The following LHFPL2 variants were observed in gnomAD, a reference collection of about 807,000 sequenced individuals.
LHFPL2 encodes LHFPL tetraspan subfamily member 2, also known as LHFPL tetraspan subfamily member 2 protein.
A neutral mutation model predicts 17.5 loss-of-function variants in LHFPL2; 7 were observed. The observed-to-expected ratio is 0.40, with a 90% CI of 0.23 to 0.75. The LOEUF is 0.75. Ranked by LOEUF, LHFPL2 falls within the 30% of genes least tolerant of loss-of-function variation. The pLI, the probability that LHFPL2 is intolerant of heterozygous loss-of-function variation, is 0.37. For missense variants in LHFPL2, 241 were observed against 294.8 expected (o/e 0.82, Z 1.34); for synonymous variants, 134 against 116.2 (o/e 1.15, Z -0.99).
chr5:78,537,863 A>G lies in LHFPL2; in HGVS notation c.-186+26950T>C, dbSNP rs1043688332. Among the ~76,000 whole-genome samples the G allele has an allele frequency of 3.9e-5, 6 of 152,288 alleles. No homozygotes were observed. In the South Asian group the frequency reaches 1.0e-3, roughly 26 times the overall value. On this transcript the variant is annotated intron_variant, in intron 3 of 4. Transcript: ENST00000380345. The stretch of plus-strand genomic sequence containing the variant: ...GTGCATTAAAAGGATATAAAATGCG[A>G]AAGCTTCTCATCTAGCTCAAATTCT...
At chr5:78,582,604 G>C (rs1332318882) in intron 2 of LHFPL2, among the ~76,000 whole-genome samples, 2 of 151,832 alleles carry the variant, frequency 1.3e-5, no homozygotes, top group Non-Finnish European at 2.9e-5. Flanking sequence ...TTTTGAGTGA[G>C]ATTCTTAATC....
At chr5:78,620,622 G>A (rs942956626) in intron 2 of LHFPL2, among the ~76,000 whole-genome samples, 23 of 152,160 alleles carry the variant, frequency 1.5e-4, no homozygotes, top group Non-Finnish European at 8.8e-5. Context: ...TCATGGTCAC[G>A]AATGGGGAAG....
rs1261942681 is a variant in LHFPL2 at position 78,485,802 on chromosome 5, C to T, written c.*3095G>A. On this transcript the variant is annotated 3_prime_UTR_variant, in exon 5 of 5. Transcript: ENST00000380345. ...ATTTCACATGAAAGACTAGCATTAACTGGGCCTGGCGTGCGGGCTTAACTT... is the reference window on the plus strand; with the variant it reads ...ATTTCACATGAAAGACTAGCATTAATTGGGCCTGGCGTGCGGGCTTAACTT... The T allele has an allele frequency of 1.3e-5, 2 of 152,652 alleles. No individual in the cohort carries two copies. Among genetic ancestry groups the T allele is most frequent in the Non-Finnish European group, 2.9e-5 (2 of 68,042 alleles). The allele number at this position is 152,652 out of a possible 1,614,324, so 9.5% of individuals were successfully genotyped here.
intron 2 of LHFPL2, chr5:78,590,036 A>G (rs539057325): frequency 1.5e-4 from 23 of 152,368 alleles, no homozygotes; most frequent in African/African-American, 5.3e-4. Context: ...GTAATTAGAT[A>G]TCCATATAAC....
At chr5:78,562,700 G>T (rs766317913) in intron 3 of LHFPL2, among the ~76,000 whole-genome samples, 17 of 151,558 alleles carry the variant, frequency 1.1e-4, no homozygotes, top group Non-Finnish European at 1.9e-4. Context: ...AATTAACTCA[G>T]AATGTCTGTT....
At position 78,522,676 on chromosome 5, in the gene LHFPL2, G is replaced by C. The variant is rs113534766; in HGVS notation, c.-185-12278C>G. ...AGTACTGGACAATGGGGGTGGAGAGGGAAGGCAGGGAAGGAGACCTGAAGA... is the reference window on the plus strand; with the variant it reads ...AGTACTGGACAATGGGGGTGGAGAGCGAAGGCAGGGAAGGAGACCTGAAGA... On this transcript the variant is annotated intron_variant, in intron 3 of 4. Transcript: ENST00000380345. 7.6e-3 allele frequency among the ~76,000 whole-genome samples: 1,162 copies of C among 152,206 alleles called. 2 individuals carry two copies. The highest frequency in any genetic ancestry group is 0.02 in the Middle Eastern group (6 of 294).
At chr5:78,501,846 A>G (rs1381432120) in intron 4 of LHFPL2, among the ~76,000 whole-genome samples, 2 of 152,078 alleles carry the variant, frequency 1.3e-5, no homozygotes, top group Non-Finnish European at 2.9e-5. Context: ...CCTGGCAATA[A>G]AAGAGTTTTT....
chr5:78,567,652 G>C (rs1756892946), intron 2 of LHFPL2, among the ~76,000 whole-genome samples: 1 of 152,194 alleles, frequency 6.6e-6, no homozygotes, highest in South Asian at 2.1e-4. Flanking sequence ...GTAGCTACCA[G>C]TATTATCCCA....
chr5:78,548,955 G>A (rs568710099), intron 3 of LHFPL2: 1 of 152,184 alleles, frequency 6.6e-6, no homozygotes, highest in Non-Finnish European at 1.5e-5. Flanking sequence ...GGGTGATACT[G>A]CTTATGTTGG....
chr5:78,570,634 G>GTATATATTCAAGGTATATATATATATA, intron 2 of LHFPL2, among the ~76,000 whole-genome samples: 1 of 145,366 alleles, frequency 6.9e-6, no homozygotes, highest in East Asian at 2.0e-4. Flanking sequence ...TATATATATA[G>GTATATATTCAAGGTATATATATATATA]TATATATATA....
At chr5:78,560,328 A>C (rs993295323) in intron 3 of LHFPL2, among the ~76,000 whole-genome samples, 4 of 152,244 alleles carry the variant, frequency 2.6e-5, no homozygotes, top group Admixed American at 2.0e-4. Context: ...AAAACTAAGC[A>C]TCTAGCCAGC....
chr5:78,561,796 G>T (rs775503354), intron 3 of LHFPL2, among the ~76,000 whole-genome samples: 2 of 152,184 alleles, frequency 1.3e-5, no homozygotes, highest in Non-Finnish European at 2.9e-5. Context: ...ACGAGACAGG[G>T]TGACAGTCAT....
At chr5:78,584,551 G>T (rs1457659339) in intron 2 of LHFPL2, among the ~76,000 whole-genome samples, 1 of 152,152 alleles carries the variant, frequency 6.6e-6, no homozygotes, top group East Asian at 1.9e-4. Flanking sequence ...CGTGTGAGGT[G>T]TCAGTCTGCC....
chr5:78,497,482 A>G (rs1413551940), intron 4 of LHFPL2, among the ~76,000 whole-genome samples: 1 of 152,206 alleles, frequency 6.6e-6, no homozygotes, highest in Non-Finnish European at 1.5e-5. Flanking sequence ...GCCAGCTTGA[A>G]TGTAAACTCC....
At chr5:78,575,441 C>T (rs545025063) in intron 2 of LHFPL2, among the ~76,000 whole-genome samples, 2 of 151,956 alleles carry the variant, frequency 1.3e-5, no homozygotes, top group East Asian at 3.9e-4. Context: ...CCCAGCTACT[C>T]GGGAGGCTGA....
chr5:78,571,908 C>CT (rs1757008972), intron 2 of LHFPL2, among the ~76,000 whole-genome samples: 1 of 152,166 alleles, frequency 6.6e-6, no homozygotes, highest in Non-Finnish European at 1.5e-5. Flanking sequence ...GCAGACAAGG[C>CT]TTTTAATCAG....
chr5:78,538,831 C>A (rs1325147133), intron 3 of LHFPL2, among the ~76,000 whole-genome samples: 1 of 152,180 alleles, frequency 6.6e-6, no homozygotes, highest in South Asian at 2.1e-4. Context: ...GCACAGGTTG[C>A]CTCAGGTCTG....
intron 4 of LHFPL2, among the ~76,000 whole-genome samples, chr5:78,497,688 G>A (rs1754650205): frequency 6.6e-6 from 1 of 152,204 alleles, no homozygotes. Context: ...ATGGTTGGAG[G>A]AAAAGCTTCA....
intron 3 of LHFPL2, among the ~76,000 whole-genome samples, chr5:78,522,635 A>G (rs73142192): frequency 0.076 from 11,590 of 152,196 alleles, 1,494 homozygotes; most frequent in African/African-American, 0.26. Context: ...GTTCACAACC[A>G]ATTGTCCAAG....
Sources: allele counts gnomAD v4.1 joint callset (sites outside exome capture counted in the v4.1 genomes callset), GRCh38; gene constraint gnomAD v4.1.1; transcripts MANE v1.5; gene names NCBI Gene and HGNC (gene_info 2026-07-23, HGNC 2026-07-21).